The following PDSS2 variants were observed in gnomAD, a reference collection of about 807,000 sequenced individuals.
PDSS2 encodes the protein all trans-polyprenyl-diphosphate synthase PDSS2.
In PDSS2, 31 loss-of-function variants were observed where a neutral mutation model predicts 44.5. The observed-to-expected ratio is 0.70, with a 90% CI of 0.52 to 0.94. The LOEUF (loss-of-function observed/expected upper bound fraction) is 0.94, where lower values mean the gene tolerates loss of function less well. Ranked by LOEUF, PDSS2 falls within the 40% of genes least tolerant of loss-of-function variation. The probability of loss-of-function intolerance (pLI) is 0.00; values close to 1 mark genes in which losing one functional copy is unlikely to be tolerated. For missense variants in PDSS2, 452 were observed against 482.2 expected (o/e 0.94, Z 0.59); for synonymous variants, 157 against 180.3 (o/e 0.87, Z 1.03).
At chr6:107,400,945 C>A (rs1343663090) in intron 1 of PDSS2, among the ~76,000 whole-genome samples, 1 of 152,178 alleles carries the variant, frequency 6.6e-6, no homozygotes, top group Non-Finnish European at 1.5e-5. Context: ...TCAGCAGATA[C>A]TATAATGCGC....
Position 107,292,020 on chromosome 6 carries a change from T to C in PDSS2, c.432-17793A>G, listed in dbSNP as rs191010665. ...TGCTGAGGGTACTGAGAGCTCTGTG[T>C]CTCTTTTAGAAAAGCTCACCCACCA... On this transcript the variant is annotated intron_variant, in intron 2 of 7. Coordinates refer to ENST00000369037, the MANE Select transcript of PDSS2 (RefSeq NM_020381.4). 2.3e-4 allele frequency among the ~76,000 whole-genome samples: 35 copies of C among 152,210 alleles called. No homozygotes were observed. The South Asian group carries it at 7.1e-3, about 31-fold the overall frequency.
intron 1 of PDSS2, among the ~76,000 whole-genome samples, chr6:107,355,306 G>A (rs757050583): frequency 2.0e-5 from 3 of 152,104 alleles, no homozygotes; most frequent in Non-Finnish European, 4.4e-5. Context: ...TACAGAAAAT[G>A]GGTATGCATA....
chr6:107,413,111 ACTT>A (rs772830158), intron 1 of PDSS2, among the ~76,000 whole-genome samples: 11 of 152,196 alleles, frequency 7.2e-5, no homozygotes, highest in Non-Finnish European at 1.5e-4. Context: ...GATGTTTCAG[ACTT>A]CTTCTCTTTC....
At chr6:107,305,506 T>C (rs908256353) in intron 2 of PDSS2, among the ~76,000 whole-genome samples, 2 of 152,238 alleles carry the variant, frequency 1.3e-5, no homozygotes, top group African/African-American at 2.4e-5. Context: ...TGTAGAATCT[T>C]ACAAGTTATT....
chr6:107,424,068 G>A (rs1374897390), intron 1 of PDSS2, among the ~76,000 whole-genome samples: 1 of 125,146 alleles, frequency 8.0e-6, no homozygotes, highest in Non-Finnish European at 1.6e-5. Flanking sequence ...TTGGGACAGG[G>A]TCTCACTCTG....
intron 3 of PDSS2, among the ~76,000 whole-genome samples, chr6:107,253,862 G>A (rs949061287): frequency 3.9e-5 from 6 of 151,950 alleles, no homozygotes; most frequent in Admixed American, 6.6e-5. Context: ...AATTTAAAGC[G>A]CTTAAGATGA....
At chr6:107,167,670 A>G (rs1554247787) in intron 7 of PDSS2, among the ~76,000 whole-genome samples, 1 of 152,148 alleles carries the variant, frequency 6.6e-6, no homozygotes, top group African/African-American at 2.4e-5. Flanking sequence ...ATATTCTGGT[A>G]TGTTGTGTCT....
intron 2 of PDSS2, among the ~76,000 whole-genome samples, chr6:107,282,868 C>CAA (rs1241936719): frequency 2.3e-4 from 17 of 73,368 alleles, no homozygotes; most frequent in African/African-American, 3.9e-4. Flanking sequence ...GACTCCGTCT[C>CAA]AAAAAAAAAA....
intron 3 of PDSS2, among the ~76,000 whole-genome samples, chr6:107,263,485 G>A (rs1189785064): frequency 6.6e-6 from 1 of 151,846 alleles, no homozygotes; most frequent in East Asian, 1.9e-4. Context: ...CCAGGCATAT[G>A]GAAGAAACAT....
At chr6:107,169,065 A>G (rs1482140942) in intron 7 of PDSS2, among the ~76,000 whole-genome samples, 2 of 152,052 alleles carry the variant, frequency 1.3e-5, no homozygotes, top group African/African-American at 4.8e-5. Context: ...AATATCCTGC[A>G]GAGTGTTTTC....
chr6:107,296,504 T>G (rs1338560136), intron 2 of PDSS2, among the ~76,000 whole-genome samples: 1 of 152,310 alleles, frequency 6.6e-6, no homozygotes, highest in East Asian at 1.9e-4. Flanking sequence ...GGTGGGTGGA[T>G]CACCTGAGGT....
intron 1 of PDSS2, among the ~76,000 whole-genome samples, chr6:107,406,127 C>T (rs955261700): frequency 1.3e-5 from 2 of 152,074 alleles, no homozygotes; most frequent in African/African-American, 4.8e-5. Context: ...TCAGAATCTG[C>T]CTTTGACTTT....
At chr6:107,385,282 T>G (rs1051130899) in intron 1 of PDSS2, among the ~76,000 whole-genome samples, 2 of 152,034 alleles carry the variant, frequency 1.3e-5, no homozygotes, top group Non-Finnish European at 2.9e-5. Flanking sequence ...GAGAACTGTT[T>G]GAGCCCAGGA....
chr6:107,416,186 T>C (rs964297022), intron 1 of PDSS2, among the ~76,000 whole-genome samples: 4 of 152,190 alleles, frequency 2.6e-5, no homozygotes, highest in African/African-American at 7.2e-5. Flanking sequence ...AGAACTCTGT[T>C]CCCAGGCATG....
intron 1 of PDSS2, among the ~76,000 whole-genome samples, chr6:107,370,491 A>G (rs1376098930): frequency 6.6e-6 from 1 of 152,266 alleles, no homozygotes; most frequent in Non-Finnish European, 1.5e-5. Flanking sequence ...ATTGTATTCA[A>G]TAACATCAGC....
Position 107,154,499 on chromosome 6 carries a change from T to C in PDSS2, c.*120A>G, listed in dbSNP as rs2115075816. On this transcript the variant is annotated 3_prime_UTR_variant, in exon 8 of 8. Transcript: ENST00000369037. ...AAGCAGAACTCATTTAGCAATGTGATAAAAGGAAGGAAAAATGCATATGTT... is the reference window on the plus strand; with the variant it reads ...AAGCAGAACTCATTTAGCAATGTGACAAAAGGAAGGAAAAATGCATATGTT... The C allele has an allele frequency of 3.3e-6, 3 of 909,594 alleles. No homozygotes were observed. The highest frequency in any genetic ancestry group is 1.6e-5 in the African/African-American group (1 of 61,034). 56.3% of individuals were successfully genotyped at this position (909,594 alleles called of 1,614,324 possible).
chr6:107,270,782 T>C (rs1376656849), intron 3 of PDSS2, among the ~76,000 whole-genome samples: 1 of 152,234 alleles, frequency 6.6e-6, no homozygotes, highest in East Asian at 1.9e-4. Context: ...ACAAAGGCTT[T>C]ATGTTTAATA....
chr6:107,445,406 T>G (rs1193074058), intron 1 of PDSS2, among the ~76,000 whole-genome samples: 2 of 152,110 alleles, frequency 1.3e-5, no homozygotes, highest in African/African-American at 4.8e-5. Flanking sequence ...AAACCAAATG[T>G]CTTTCAGAAT....
intron 2 of PDSS2, among the ~76,000 whole-genome samples, chr6:107,330,308 T>C (rs1777674172): frequency 1.3e-5 from 2 of 152,168 alleles, no homozygotes; most frequent in East Asian, 1.9e-4. Flanking sequence ...GCCAGCCACC[T>C]GCATGGGAAG....
Sources: gnomAD v4.1 joint callset for allele counts (sites outside exome capture counted in the v4.1 genomes callset) on GRCh38, gnomAD v4.1.1 for gene constraint, MANE v1.5 for transcripts, NCBI Gene and HGNC (gene_info 2026-07-23, HGNC 2026-07-21) for gene names.